The following PDE7B variants were observed in gnomAD, a reference collection of about 807,000 sequenced individuals.
The protein encoded by PDE7B is phosphodiesterase 7B.
PDE7B carries 29 observed loss-of-function variants against 56.2 expected under a neutral mutation model. The ratio of observed to expected loss-of-function variants is 0.52; its 90% confidence interval spans 0.38 to 0.70. The LOEUF is 0.70. Ranked by LOEUF, PDE7B falls within the 30% of genes least tolerant of loss-of-function variation. The probability of loss-of-function intolerance (pLI) is 0.00; values close to 1 mark genes in which losing one functional copy is unlikely to be tolerated. For missense variants in PDE7B, 490 were observed against 565.0 expected (o/e 0.87, Z 1.35); for synonymous variants, 197 against 196.9 (o/e 1.00, Z 0.00).
At chr6:135,927,370 G>A (rs1191842751) in intron 1 of PDE7B, among the ~76,000 whole-genome samples, 2 of 151,936 alleles carry the variant, frequency 1.3e-5, no homozygotes, top group Non-Finnish European at 2.9e-5. Flanking sequence ...GGTGACTCAG[G>A]CTCTTTTTTG....
At chr6:135,950,470 G>A (rs1583790638) in intron 2 of PDE7B, among the ~76,000 whole-genome samples, 2 of 152,234 alleles carry the variant, frequency 1.3e-5, no homozygotes, top group East Asian at 3.9e-4. Context: ...TTTTATTTTT[G>A]TAGGTAATTT....
intron 3 of PDE7B, among the ~76,000 whole-genome samples, chr6:136,118,621 T>C (rs1777877130): frequency 6.6e-6 from 1 of 152,180 alleles, no homozygotes; most frequent in South Asian, 2.1e-4. Context: ...CCCAAATATA[T>C]AATCGCAGAG....
chr6:135,988,629 T>C (rs1775422572), intron 2 of PDE7B, among the ~76,000 whole-genome samples: 4 of 152,190 alleles, frequency 2.6e-5, no homozygotes, highest in Admixed American at 2.6e-4. Flanking sequence ...AAATATGTTC[T>C]TCTTCCTTAG....
intron 1 of PDE7B, among the ~76,000 whole-genome samples, chr6:135,929,862 T>C (rs1228356831): frequency 1.3e-5 from 2 of 152,110 alleles, no homozygotes; most frequent in Non-Finnish European, 2.9e-5. Context: ...GGGAAGCTCC[T>C]AAGAGAAGTG....
rs527466811 is a variant in PDE7B at position 136,172,243 on chromosome 6, C to G, written c.712-1554C>G. ...CTTCCACAAGGGTTGAACTAGTTTA[C>G]AGTCCCACCAACAGTGTAAAAGTGT... On this transcript the variant is annotated intron_variant, in intron 8 of 12. Transcript: ENST00000308191. Among the ~76,000 whole-genome samples the G allele has an allele frequency of 1.6e-3, 247 of 152,306 alleles. 1 individual carries two copies. The highest frequency in any genetic ancestry group is 5.0e-3 in the African/African-American group (209 of 41,564).
At chr6:135,905,265 T>C (rs977000835) in intron 1 of PDE7B, among the ~76,000 whole-genome samples, 1 of 152,204 alleles carries the variant, frequency 6.6e-6, no homozygotes, top group African/African-American at 2.4e-5. Context: ...TTTTATTTTA[T>C]TTTTTGGTAA....
chr6:136,183,390 G>A (rs1469134130), intron 11 of PDE7B, among the ~76,000 whole-genome samples: 1 of 151,916 alleles, frequency 6.6e-6, no homozygotes, highest in East Asian at 1.9e-4. Flanking sequence ...TCAGGAGATA[G>A]AGATCATCCC....
intron 2 of PDE7B, among the ~76,000 whole-genome samples, chr6:136,002,292 C>T (rs1037738295): frequency 3.3e-5 from 5 of 152,188 alleles, no homozygotes; most frequent in Admixed American, 2.6e-4. Context: ...ACTGCATCAA[C>T]TAATGAGCAA....
chr6:135,905,689 G>C (rs1324110216), intron 1 of PDE7B, among the ~76,000 whole-genome samples: 1 of 152,170 alleles, frequency 6.6e-6, no homozygotes, highest in Non-Finnish European at 1.5e-5. Context: ...GCCGAGCACA[G>C]CCCGTCTTGC....
chr6:136,019,063 A>G (rs775403082), intron 2 of PDE7B, among the ~76,000 whole-genome samples: 2 of 152,006 alleles, frequency 1.3e-5, no homozygotes, highest in Admixed American at 6.6e-5. Context: ...TTTCATAGAG[A>G]CAATATGCAA....
chr6:136,092,299 CTGGG>C (rs1777399909), intron 2 of PDE7B, among the ~76,000 whole-genome samples: 1 of 152,126 alleles, frequency 6.6e-6, no homozygotes, highest in African/African-American at 2.4e-5. Context: ...AACTACTTCT[CTGGG>C]TTCAATTATC....
At chr6:136,073,494 G>A (rs1583866160) in intron 2 of PDE7B, among the ~76,000 whole-genome samples, 1 of 152,128 alleles carries the variant, frequency 6.6e-6, no homozygotes, top group Non-Finnish European at 1.5e-5. Context: ...TGTGGAGTTG[G>A]TTTCTTCTGA....
chr6:136,007,455 A>G (rs116009492), intron 2 of PDE7B, among the ~76,000 whole-genome samples: 1,616 of 152,068 alleles, frequency 0.011, 28 homozygotes, highest in African/African-American at 0.036. Flanking sequence ...CTCCTCCTCA[A>G]TTTCTTCCCA....
At chr6:136,037,731 A>G (rs1047343341) in intron 2 of PDE7B, 30 of 985,326 alleles carry the variant, frequency 3.0e-5, no homozygotes, top group Non-Finnish European at 3.6e-5. Context: ...CTGTGAGGTT[A>G]GCAAAGGGGA....
rs565166675 is a variant in PDE7B at position 136,035,459 on chromosome 6, G to T, written c.83-73272G>T. 8.8e-4 allele frequency among the ~76,000 whole-genome samples: 134 copies of T among 152,272 alleles called. No individual in the cohort carries two copies. The South Asian group carries it at 0.011, about 13-fold the overall frequency. On this transcript the variant is annotated intron_variant, in intron 2 of 12. Transcript: ENST00000308191. ...ACCTGCAGTTGAGCCAAAAATTTCC[G>T]AGCCAAGCTTTCTCGCAAGATTTCC...
At chr6:136,018,766 A>G (rs993195165) in intron 2 of PDE7B, among the ~76,000 whole-genome samples, 12 of 151,858 alleles carry the variant, frequency 7.9e-5, no homozygotes, top group Admixed American at 7.2e-4. Flanking sequence ...TTTATATATT[A>G]TTTATACATA....
chr6:135,947,561 T>C (rs774941373), intron 2 of PDE7B, 37 bp downstream of exon 2: 184 of 1,441,142 alleles, frequency 1.3e-4, no homozygotes, highest in Non-Finnish European at 1.7e-4. Context: ...ATTAAGCATG[T>C]TGATGTCATG....
intron 2 of PDE7B, among the ~76,000 whole-genome samples, chr6:135,998,505 C>T (rs901612042): frequency 6.6e-6 from 1 of 151,600 alleles, no homozygotes; most frequent in African/African-American, 2.4e-5. Flanking sequence ...GCCTGTAATC[C>T]CAGCACTTTG....
intron 2 of PDE7B, among the ~76,000 whole-genome samples, chr6:136,013,474 TC>T (rs1775926786): frequency 6.6e-6 from 1 of 152,196 alleles, no homozygotes; most frequent in Non-Finnish European, 1.5e-5. Flanking sequence ...GGATCTCCGC[TC>T]TCAAGTGACT....
Sources: gnomAD v4.1 joint callset for allele counts (sites outside exome capture counted in the v4.1 genomes callset) on GRCh38, gnomAD v4.1.1 for gene constraint, MANE v1.5 for transcripts, NCBI Gene and HGNC (gene_info 2026-07-23, HGNC 2026-07-21) for gene names.